ATP2C2: variants seen among roughly 807,000 people sequenced by gnomAD.
The protein encoded by ATP2C2 is calcium-transporting ATPase type 2C member 2.
In ATP2C2, 171 loss-of-function variants were observed where a neutral mutation model predicts 110.8. That is an observed-to-expected ratio of 1.54 (90% CI 1.36 to 1.75). ATP2C2 has a LOEUF of 1.75. Among genes scored for constraint, ATP2C2 ranks in the 40% most tolerant of loss-of-function variants. The pLI is 0.00. For missense variants in ATP2C2, 1,963 were observed against 1,235.0 expected, an observed-to-expected ratio of 1.59 and a Z score of -8.84; for synonymous variants, 804 against 508.4, an observed-to-expected ratio of 1.58 and a Z score of -7.82.
At position 84,459,327 on chromosome 16, in the gene ATP2C2, C is replaced by T; in HGVS notation, c.2274C>T (p.Pro758=). The T allele has an allele frequency of 6.2e-7, 1 of 1,614,218 alleles. No homozygotes were observed. The highest frequency in any genetic ancestry group is 8.5e-7 in the Non-Finnish European group (1 of 1,180,042). The change falls in exon 23 of 27, where the codon CCC becomes CCT. Residue 758 remains proline (P), a synonymous_variant. Coordinates refer to ENST00000262429, the MANE Select transcript of ATP2C2 (RefSeq NM_014861.4). ...TLSTVFNLPS[P]LNAMQILWIN... ...CCACCGTGTTCAACCTGCCCAGCCC[C>T]CTCAACGCCATGCAGATCCTATGGA...
At chr16:84,413,535 A>C (rs1336755466) in intron 6 of ATP2C2, among the ~76,000 whole-genome samples, 1 of 152,190 alleles carries the variant, frequency 6.6e-6, no homozygotes, top group East Asian at 1.9e-4. Flanking sequence ...GACATCATTA[A>C]CTGAGCAAAC....
rs375518819 is a variant in ATP2C2 at position 84,405,295 on chromosome 16, G to T, written c.327+51G>T. The T allele has an allele frequency of 1.7e-5, 25 of 1,476,714 alleles. No homozygotes were observed. The African/African-American group carries it at 3.2e-4, about 19-fold the overall frequency. The allele number at this position is 1,476,714 out of a possible 1,614,324, so 91.5% of individuals were successfully genotyped here. A position where few individuals can be genotyped will look rare whatever the true frequency, so the allele number is the denominator to read the frequency against. On this transcript the variant is annotated intron_variant, in intron 3 of 26. Transcript: ENST00000262429. ...CATTAACATGCATAAGCCAGCGAGG[G>T]TGGGGCAGCCATTCCATCTTTCAAT...
In ATP2C2 at chr16:84,453,152, C is replaced by G. The variant is rs374513245; in HGVS notation, c.1846C>G (p.Leu616Val). The change falls in exon 19 of 27, where the codon CTG becomes GTG. Residue 616 changes from leucine (L) to valine (V), a missense_variant. Physicochemically the swap from Leu to Val is conservative, Grantham distance 32. Coordinates refer to ENST00000262429, the MANE Select transcript of ATP2C2 (RefSeq NM_014861.4). The part of the protein sequence containing the change: ...TALAIGRNIG[L>V]CNGKLQAMSG... ...TTCTTCTGAAGGAAGAAACATCGGCCTGTGCAACGGGAAGCTGCAAGCCAT... is the reference window on the plus strand; with the variant it reads ...TTCTTCTGAAGGAAGAAACATCGGCGTGTGCAACGGGAAGCTGCAAGCCAT... The G allele has an allele frequency of 6.2e-7, 1 of 1,612,952 alleles. No homozygotes were observed. Among genetic ancestry groups the G allele is most frequent in the Non-Finnish European group, 8.5e-7 (1 of 1,179,432 alleles).
chr16:84,394,040 G>T (rs1162108810), intron 1 of ATP2C2, among the ~76,000 whole-genome samples: 1 of 150,814 alleles, frequency 6.6e-6, no homozygotes, highest in African/African-American at 2.4e-5. Context: ...AAGGCCTGGT[G>T]TGATGACACA....
At chr16:84,393,488 G>A (rs1597751299) in intron 1 of ATP2C2, among the ~76,000 whole-genome samples, 2 of 152,112 alleles carry the variant, frequency 1.3e-5, no homozygotes, top group Non-Finnish European at 2.9e-5. Flanking sequence ...TTGAAACACC[G>A]AAATGACCTG....
intron 6 of ATP2C2, among the ~76,000 whole-genome samples, chr16:84,412,356 G>GTGTGTGTGTGCA (rs71151208): frequency 1.3e-4 from 19 of 149,060 alleles, no homozygotes; most frequent in Non-Finnish European, 2.4e-4. Context: ...GTCTGCGTGC[G>GTGTGTGTGTGCA]TGTGTGCATG....
intron 20 of ATP2C2, among the ~76,000 whole-genome samples, chr16:84,453,876 T>A (rs2150586317): frequency 6.6e-6 from 1 of 152,270 alleles, no homozygotes; most frequent in East Asian, 1.9e-4. Flanking sequence ...AGTCTTGCTC[T>A]GTCACCTAGG....
intron 13 of ATP2C2, among the ~76,000 whole-genome samples, chr16:84,440,401 T>G (rs929417867): frequency 6.6e-6 from 1 of 152,242 alleles, no homozygotes; most frequent in Non-Finnish European, 1.5e-5. Flanking sequence ...GGGCCAGTGC[T>G]TGTTTGAAAA....
At chr16:84,435,928 A>G (rs2617855) in intron 11 of ATP2C2, among the ~76,000 whole-genome samples, 129,634 of 152,242 alleles carry the variant, frequency 0.85, 55,296 homozygotes, top group East Asian at 0.95. Context: ...CAGGAGTTCA[A>G]GACCAGCCTG....
At chr16:84,434,408 C>G (rs1323033287) in intron 11 of ATP2C2, among the ~76,000 whole-genome samples, 4 of 151,776 alleles carry the variant, frequency 2.6e-5, no homozygotes, top group Admixed American at 6.6e-5. Flanking sequence ...GAGCAAGACT[C>G]CATCTCAAAA....
intron 14 of ATP2C2, among the ~76,000 whole-genome samples, chr16:84,441,460 G>A (rs905522256): frequency 6.6e-6 from 1 of 152,026 alleles, no homozygotes; most frequent in African/African-American, 2.4e-5. Flanking sequence ...GCTGTGATGA[G>A]TCCTGCGGTC....
At chr16:84,445,052 G>C (rs548177674) in intron 15 of ATP2C2, among the ~76,000 whole-genome samples, 2 of 152,270 alleles carry the variant, frequency 1.3e-5, no homozygotes, top group South Asian at 2.1e-4. Context: ...TGAAATCAAG[G>C]TGTGAGCAGG....
At chr16:84,430,424 T>A (rs1908166688) in intron 11 of ATP2C2, among the ~76,000 whole-genome samples, 2 of 152,036 alleles carry the variant, frequency 1.3e-5, no homozygotes, top group Non-Finnish European at 2.9e-5. Context: ...ACGGATCACT[T>A]GAGGTTAGGA....
chr16:84,460,347 T>TGG (rs35446600), intron 23 of ATP2C2: 19,389 of 387,578 alleles, frequency 0.05, 354 homozygotes, highest in South Asian at 0.15. Flanking sequence ...GGCGCAACGT[T>TGG]GGGGGGGGTC....
At position 84,452,929 on chromosome 16, in the gene ATP2C2, G is replaced by T. The variant is rs185269721; in HGVS notation, c.1832-209G>T. Among the ~76,000 whole-genome samples, 5 of 152,278 alleles carry T rather than the reference G, an allele frequency of 3.3e-5. No individual in the cohort carries two copies. In the East Asian group the frequency reaches 7.7e-4, roughly 23 times the overall value. ...GTGTGTCCTCGGCAAAGTCACTTCT[G>T]TTTCCCCATCTTTAAAGTGGGGATA... is the stretch of plus-strand genomic sequence containing the variant. On this transcript the variant is annotated intron_variant, in intron 18 of 26. Coordinates refer to ENST00000262429, the MANE Select transcript of ATP2C2 (RefSeq NM_014861.4).
At chr16:84,458,852 C>T (rs995357561) in intron 21 of ATP2C2, among the ~76,000 whole-genome samples, 2 of 152,196 alleles carry the variant, frequency 1.3e-5, no homozygotes, top group African/African-American at 4.8e-5. Flanking sequence ...GAGAGTAATT[C>T]ATGGTCTGAT....
At chr16:84,373,503 A>ACAG (rs1567680888) in intron 1 of ATP2C2, among the ~76,000 whole-genome samples, 1 of 151,994 alleles carries the variant, frequency 6.6e-6, no homozygotes, top group East Asian at 1.9e-4. Context: ...CCATCTCAAA[A>ACAG]CAACAACAAC....
rs1445107111 is a variant in ATP2C2, at chr16:84,452,048, G to A, written c.1788G>A (p.Val596=). The A allele has an allele frequency of 2.5e-6, 4 of 1,613,958 alleles. No individual in the cohort carries two copies. Among genetic ancestry groups the A allele is most frequent in the South Asian group, 2.2e-5 (2 of 91,044 alleles). The change falls in exon 18 of 27, where the codon GTG becomes GTA. Residue 596 remains valine, a synonymous_variant. Transcript: ENST00000262429. ...TTCTCTCCGAGTCTGGTGTGTCTGT[G>A]AAGATGATAACGGGGGATGCCCTGG... ...VQVLSESGVS[V]KMITGDALET...
chr16:84,418,517 C>T (rs1377911536), intron 7 of ATP2C2, among the ~76,000 whole-genome samples: 1 of 152,210 alleles, frequency 6.6e-6, no homozygotes, highest in Non-Finnish European at 1.5e-5. Flanking sequence ...TCTATGCTAA[C>T]CACCGTATGA....
Sources: allele counts gnomAD v4.1 joint callset (sites outside exome capture counted in the v4.1 genomes callset), GRCh38; gene constraint gnomAD v4.1.1; transcripts MANE v1.5; gene names NCBI Gene and HGNC (gene_info 2026-07-23, HGNC 2026-07-21).